The following CNTN5 variants were observed in gnomAD, a reference collection of about 807,000 sequenced individuals.
CNTN5 encodes the protein contactin 5.
In CNTN5, 77 loss-of-function variants were observed where a neutral mutation model predicts 129.1. The ratio of observed to expected loss-of-function variants is 0.60; its 90% CI spans 0.50 to 0.72. CNTN5 has a LOEUF of 0.72. Among genes scored for constraint, CNTN5 ranks in the 30% least tolerant of loss-of-function variants. The pLI, the probability that CNTN5 is intolerant of heterozygous loss-of-function variation, is 0.00. For synonymous variants in CNTN5, 509 were observed against 465.6 expected (o/e 1.09, Z -1.20); for missense variants, 1,478 against 1,328.8 (o/e 1.11, Z -1.75).
At chr11:99,118,508 A>G (rs1858148728) in intron 1 of CNTN5, among the ~76,000 whole-genome samples, 1 of 152,070 alleles carries the variant, frequency 6.6e-6, no homozygotes, top group Admixed American at 6.6e-5. Flanking sequence ...CCATTGGTTT[A>G]TTCATTGTAT....
At chr11:99,215,253 C>T (rs1006853500) in intron 1 of CNTN5, among the ~76,000 whole-genome samples, 1 of 152,012 alleles carries the variant, frequency 6.6e-6, no homozygotes, top group African/African-American at 2.4e-5. Context: ...TTAGTTTGTT[C>T]CAGTTAGTTT....
intron 1 of CNTN5, among the ~76,000 whole-genome samples, chr11:99,215,605 C>T (rs1384229481): frequency 6.6e-6 from 1 of 152,090 alleles, no homozygotes. Flanking sequence ...TGAAATGTCT[C>T]AAAGATATCC....
At chr11:100,109,602 G>GA (rs546752866) in intron 13 of CNTN5, among the ~76,000 whole-genome samples, 299 of 152,096 alleles carry the variant, frequency 2.0e-3, no homozygotes, top group African/African-American at 6.8e-3. Context: ...TAATGAGAGA[G>GA]AAAAAAATTG....
chr11:99,259,250 C>G (rs906694024), intron 1 of CNTN5, among the ~76,000 whole-genome samples: 9 of 151,594 alleles, frequency 5.9e-5, no homozygotes, highest in African/African-American at 2.2e-4. Flanking sequence ...TTTGTATACT[C>G]CCCCTCTTTT....
At chr11:99,492,828 A>G (rs888148806) in intron 2 of CNTN5, among the ~76,000 whole-genome samples, 1 of 152,200 alleles carries the variant, frequency 6.6e-6, no homozygotes, top group Admixed American at 6.5e-5. Context: ...TGAATGAACA[A>G]AATGGATATG....
chr11:100,260,642 T>C (rs1170189855), intron 17 of CNTN5, among the ~76,000 whole-genome samples: 1 of 152,184 alleles, frequency 6.6e-6, no homozygotes, highest in African/African-American at 2.4e-5. Context: ...TGGTTCAACA[T>C]ATGCAGATCA....
At chr11:99,129,744 A>G (rs947109901) in intron 1 of CNTN5, among the ~76,000 whole-genome samples, 20 of 152,228 alleles carry the variant, frequency 1.3e-4, no homozygotes, top group African/African-American at 4.8e-4. Flanking sequence ...AGGGAAACCC[A>G]TCAGACTAAC....
chr11:100,272,927 G>A (rs372882293), intron 18 of CNTN5, among the ~76,000 whole-genome samples: 27 of 152,224 alleles, frequency 1.8e-4, no homozygotes, highest in African/African-American at 6.3e-4. Context: ...GAGCCCAGAG[G>A]GTTTGGTGCA....
At chr11:99,285,942 A>T (rs1220092778) in intron 1 of CNTN5, among the ~76,000 whole-genome samples, 1 of 150,520 alleles carries the variant, frequency 6.6e-6, no homozygotes, top group Non-Finnish European at 1.5e-5. Flanking sequence ...AGAGGCTGAG[A>T]CAGGAGAATC....
intron 15 of CNTN5, among the ~76,000 whole-genome samples, chr11:100,216,579 G>C (rs1407507650): frequency 6.6e-6 from 1 of 151,816 alleles, no homozygotes; most frequent in East Asian, 1.9e-4. Flanking sequence ...CTTGATACTA[G>C]ATAAGTGTCA....
intron 2 of CNTN5, among the ~76,000 whole-genome samples, chr11:99,350,214 T>C (rs1004094895): frequency 6.6e-6 from 1 of 152,190 alleles, no homozygotes; most frequent in African/African-American, 2.4e-5. Flanking sequence ...CACCTTTTAA[T>C]AATTGCTATG....
At chr11:99,934,068 A>C (rs983028724) in intron 7 of CNTN5, among the ~76,000 whole-genome samples, 2 of 152,214 alleles carry the variant, frequency 1.3e-5, no homozygotes, top group African/African-American at 4.8e-5. Flanking sequence ...TTTTGATGAT[A>C]GTATATATTG....
At chr11:99,792,437 G>T (rs1945778292) in intron 3 of CNTN5, among the ~76,000 whole-genome samples, 1 of 152,006 alleles carries the variant, frequency 6.6e-6, no homozygotes, top group African/African-American at 2.4e-5. Flanking sequence ...TGACTGTGGT[G>T]GGCTAGGTTT....
chr11:100,311,177 T>C (rs1951465325), intron 21 of CNTN5, among the ~76,000 whole-genome samples: 1 of 151,524 alleles, frequency 6.6e-6, no homozygotes, highest in South Asian at 2.1e-4. Context: ...AGCAGTGGAG[T>C]TGATAAGAAG....
At chr11:99,670,700 A>T (rs918661268) in intron 3 of CNTN5, among the ~76,000 whole-genome samples, 4 of 152,096 alleles carry the variant, frequency 2.6e-5, no homozygotes, top group Admixed American at 6.6e-5. Context: ...TATTCTGAAG[A>T]TCTGGGGTGT....
At chr11:99,646,000 A>G (rs1951946461) in intron 3 of CNTN5, among the ~76,000 whole-genome samples, 1 of 152,218 alleles carries the variant, frequency 6.6e-6, no homozygotes, top group Non-Finnish European at 1.5e-5. Context: ...TCCTGACACA[A>G]TAAGGGTTAA....
intron 2 of CNTN5, among the ~76,000 whole-genome samples, chr11:99,385,518 C>T (rs1332751972): frequency 1.3e-5 from 2 of 151,946 alleles, no homozygotes; most frequent in African/African-American, 2.4e-5. Context: ...ATAAATGGTC[C>T]AGTGAAAAAT....
At chr11:99,933,107 A>T (rs1208906344) in intron 7 of CNTN5, among the ~76,000 whole-genome samples, 1 of 152,188 alleles carries the variant, frequency 6.6e-6, no homozygotes, top group Non-Finnish European at 1.5e-5. Flanking sequence ...TTAATTTTGT[A>T]TATTTCAAAA....
At chr11:99,106,760 T>G (rs913146887) in intron 1 of CNTN5, among the ~76,000 whole-genome samples, 11 of 152,094 alleles carry the variant, frequency 7.2e-5, no homozygotes, top group Admixed American at 1.3e-4. Context: ...AGAAATGGGT[T>G]ATTTTGCACT....
Sources: allele counts gnomAD v4.1 joint callset (sites outside exome capture counted in the v4.1 genomes callset), GRCh38; gene constraint gnomAD v4.1.1; transcripts MANE v1.5; gene names NCBI Gene and HGNC (gene_info 2026-07-23, HGNC 2026-07-21).